CHST9: variants seen among roughly 807,000 people sequenced by gnomAD.
CHST9 encodes GalNAc-4-sulfotransferase 2.
Under a neutral mutation model 44.4 loss-of-function variants are expected in CHST9, and 41 were observed. The observed-to-expected ratio is 0.92, with a 90% CI of 0.72 to 1.20. The LOEUF is 1.20. Ranked by LOEUF, CHST9 falls within the 50% of genes most tolerant of loss-of-function variation. The probability of loss-of-function intolerance (pLI) is 0.00; values close to 1 mark genes in which losing one functional copy is unlikely to be tolerated. For synonymous variants in CHST9, 171 were observed against 178.4 expected, an observed-to-expected ratio of 0.96 and a Z score of 0.33; for missense variants, 504 against 516.5, an observed-to-expected ratio of 0.98 and a Z score of 0.23.
intron 1 of CHST9, among the ~76,000 whole-genome samples, chr18:27,168,393 C>T (rs1242499980): frequency 6.6e-6 from 1 of 152,142 alleles, no homozygotes; most frequent in Non-Finnish European, 1.5e-5. Flanking sequence ...GTTTTATGAT[C>T]ATTCCTGTTG....
intron 2 of CHST9, among the ~76,000 whole-genome samples, chr18:27,126,969 G>A (rs538765242): frequency 2.0e-5 from 3 of 152,304 alleles, no homozygotes; most frequent in African/African-American, 7.2e-5. Flanking sequence ...CAGAGAGGAA[G>A]GAAGAGGAAA....
At chr18:27,039,019 C>T (rs1015443109) in intron 3 of CHST9, among the ~76,000 whole-genome samples, 45 of 151,950 alleles carry the variant, frequency 3.0e-4, no homozygotes, top group African/African-American at 1.1e-3. Flanking sequence ...CAGAAGAAAG[C>T]GACAGAGTAA....
intron 2 of CHST9, among the ~76,000 whole-genome samples, chr18:27,129,368 T>C (rs749266279): frequency 2.2e-4 from 33 of 151,092 alleles, no homozygotes; most frequent in Non-Finnish European, 4.0e-4. Flanking sequence ...TATTTTTATT[T>C]TTTATTTTTT....
Position 26,908,839 on chromosome 18 carries a change from C to T in CHST9, c.*7420G>A, listed in dbSNP as rs934390816. The T allele has an allele frequency of 6.6e-6, 1 of 152,136 alleles. No individual in the cohort carries two copies. Among genetic ancestry groups the T allele is most frequent in the Non-Finnish European group, 1.5e-5 (1 of 68,022 alleles). 9.4% of individuals were successfully genotyped at this position (152,136 alleles called of 1,614,324 possible). ...TTTAAGTTAAATTGCAAAATATTTC[C>T]TGGGGCACTTGCTCTCAAACTAATA... On this transcript the variant is annotated 3_prime_UTR_variant, in exon 6 of 6. Coordinates refer to ENST00000618847, the MANE Select transcript of CHST9 (RefSeq NM_031422.6).
At chr18:26,999,623 A>T (rs950779752) in intron 4 of CHST9, among the ~76,000 whole-genome samples, 2 of 150,920 alleles carry the variant, frequency 1.3e-5, no homozygotes, top group South Asian at 2.1e-4. Context: ...AAGTTTATAT[A>T]AAAAAATTGG....
At chr18:26,973,111 A>G (rs1440033968) in intron 4 of CHST9, among the ~76,000 whole-genome samples, 1 of 151,944 alleles carries the variant, frequency 6.6e-6, no homozygotes, top group Non-Finnish European at 1.5e-5. Context: ...GCTTTCCCTG[A>G]CCTCAAGGAG....
At chr18:27,035,152 C>T (rs1332769608) in intron 3 of CHST9, among the ~76,000 whole-genome samples, 2 of 152,172 alleles carry the variant, frequency 1.3e-5, no homozygotes, top group Non-Finnish European at 2.9e-5. Flanking sequence ...TTCTCCACAT[C>T]CTTGCCAACA....
intron 5 of CHST9, among the ~76,000 whole-genome samples, chr18:26,938,604 C>CGT: frequency 6.6e-6 from 1 of 152,214 alleles, no homozygotes; most frequent in Admixed American, 6.5e-5. Context: ...AAAGTTCACA[C>CGT]TACACTGAAA....
chr18:26,926,837 T>C (rs150032303), intron 5 of CHST9, among the ~76,000 whole-genome samples: 4 of 152,338 alleles, frequency 2.6e-5, no homozygotes, highest in African/African-American at 7.2e-5. Flanking sequence ...TAAATGTGGA[T>C]GGGAACAGCA....
chr18:27,092,726 G>T (rs554925635), intron 2 of CHST9, among the ~76,000 whole-genome samples: 6 of 152,286 alleles, frequency 3.9e-5, no homozygotes, highest in Non-Finnish European at 8.8e-5. Flanking sequence ...TCAGGAGCAG[G>T]TTGTTCAGTT....
chr18:26,993,988 G>T (rs1372849684), intron 4 of CHST9, among the ~76,000 whole-genome samples: 1 of 152,160 alleles, frequency 6.6e-6, no homozygotes, highest in Non-Finnish European at 1.5e-5. Context: ...TTCTCACCTT[G>T]TCTTCACATG....
chr18:26,949,989 C>A (rs1332853271), intron 4 of CHST9, among the ~76,000 whole-genome samples: 1 of 152,170 alleles, frequency 6.6e-6, no homozygotes, highest in African/African-American at 2.4e-5. Context: ...CTTGCTGATA[C>A]CCTGATTTTA....
At chr18:27,148,531 G>C (rs1294747349) in intron 1 of CHST9, among the ~76,000 whole-genome samples, 5 of 148,436 alleles carry the variant, frequency 3.4e-5, no homozygotes, top group African/African-American at 1.2e-4. Context: ...CCTTGTGATA[G>C]TTTGCTGAGA....
chr18:27,164,679 G>C (rs1304084923), intron 1 of CHST9, among the ~76,000 whole-genome samples: 2 of 152,140 alleles, frequency 1.3e-5, no homozygotes, highest in East Asian at 3.9e-4. Context: ...TGACATTTCA[G>C]AACACTGGTA....
At chr18:26,997,961 T>C (rs1481654588) in intron 4 of CHST9, among the ~76,000 whole-genome samples, 1 of 152,234 alleles carries the variant, frequency 6.6e-6, no homozygotes, top group African/African-American at 2.4e-5. Context: ...TGAAGAAGCG[T>C]TATTTTTATT....
At chr18:27,080,899 T>A (rs946970970) in intron 2 of CHST9, among the ~76,000 whole-genome samples, 1 of 151,840 alleles carries the variant, frequency 6.6e-6, no homozygotes, top group South Asian at 2.1e-4. Flanking sequence ...TCCATGAATC[T>A]GAAGAATTTA....
intron 1 of CHST9, among the ~76,000 whole-genome samples, chr18:27,184,547 A>G (rs374189089): frequency 6.6e-6 from 1 of 150,990 alleles, no homozygotes. Flanking sequence ...CCACGATCGC[A>G]CCTGGCCTCC....
chr18:27,140,502 T>G (rs2058555865), intron 2 of CHST9, among the ~76,000 whole-genome samples: 1 of 152,212 alleles, frequency 6.6e-6, no homozygotes, highest in Non-Finnish European at 1.5e-5. Flanking sequence ...AAAAAAGTAG[T>G]CTATACATAT....
intron 4 of CHST9, among the ~76,000 whole-genome samples, chr18:26,987,092 G>A (rs527341428): frequency 8.5e-5 from 13 of 152,288 alleles, no homozygotes; most frequent in African/African-American, 2.6e-4. Flanking sequence ...TGGGAGATGG[G>A]GCAGAGTGGG....
Sources: allele counts gnomAD v4.1 joint callset (sites outside exome capture counted in the v4.1 genomes callset), GRCh38; gene constraint gnomAD v4.1.1; transcripts MANE v1.5; gene names NCBI Gene and HGNC (gene_info 2026-07-23, HGNC 2026-07-21).